The following APBA1 variants were observed in gnomAD, a reference collection of about 807,000 sequenced individuals.
APBA1 encodes the protein amyloid beta precursor protein binding family A member 1, also known as amyloid-beta A4 precursor protein-binding family A member 1.
A neutral mutation model predicts 86.6 loss-of-function variants in APBA1; 55 were observed. The ratio of observed to expected loss-of-function variants is 0.64; its 90% CI spans 0.51 to 0.80. APBA1 has a LOEUF of 0.80. Ranked by LOEUF, APBA1 falls within the 30% of genes least tolerant of loss-of-function variation. The pLI is 0.00. For synonymous variants in APBA1, 511 were observed against 493.9 expected, an observed-to-expected ratio of 1.03 and a Z score of -0.46; for missense variants, 1,090 against 1,183.0, an observed-to-expected ratio of 0.92 and a Z score of 1.15.
intron 1 of APBA1, among the ~76,000 whole-genome samples, chr9:69,552,243 T>A (rs976061261): frequency 6.6e-6 from 1 of 152,238 alleles, no homozygotes; most frequent in Non-Finnish European, 1.5e-5. Context: ...CTTCACAAGT[T>A]GGGTGATTAT....
At chr9:69,551,039 G>C (rs374551853) in intron 1 of APBA1, among the ~76,000 whole-genome samples, 2 of 152,096 alleles carry the variant, frequency 1.3e-5, no homozygotes, top group Non-Finnish European at 2.9e-5. Flanking sequence ...CCTTAGCTAT[G>C]AGAAAAAATA....
intron 1 of APBA1, among the ~76,000 whole-genome samples, chr9:69,604,718 AGGCACACGAGTGTG>A (rs1042262837): frequency 1.5e-5 from 2 of 131,342 alleles, no homozygotes; most frequent in African/African-American, 6.6e-5. Context: ...GTAAGTGGAG[AGGCACACGAGTGTG>A]GGCACACATG....
intron 1 of APBA1, among the ~76,000 whole-genome samples, chr9:69,636,979 G>GAAAGAAAGAA (rs1823191415): frequency 6.8e-6 from 1 of 148,124 alleles, no homozygotes; most frequent in Non-Finnish European, 1.5e-5. Flanking sequence ...AAGAAAGAAA[G>GAAAGAAAGAA]AAAGAAAAAT....
In APBA1 at chr9:69,495,464, C is replaced by T. The variant is rs551879770; in HGVS notation, c.1201-19321G>A. ...GAGGCTAAGTCCTGACCTCAGTACT[C>T]GTGTGAGTTGTTTCCAGTGTTGTTA... On this transcript the variant is annotated intron_variant, in intron 2 of 12. Coordinates refer to ENST00000265381, the MANE Select transcript of APBA1 (RefSeq NM_001163.4). 6.6e-5 allele frequency among the ~76,000 whole-genome samples: 10 copies of T among 152,088 alleles called. No individual in the cohort carries two copies. In the East Asian group the frequency reaches 1.2e-3, roughly 18 times the overall value.
In APBA1 at chr9:69,512,460, T is replaced by G. The variant is rs1338410371; in HGVS notation, c.1200+3551A>C. On this transcript the variant is annotated intron_variant, in intron 2 of 12. Coordinates refer to ENST00000265381, the MANE Select transcript of APBA1 (RefSeq NM_001163.4). ...TGACAAATGGCAATACAGGTTTTTT[T>G]GTCTCCTTTTATTTGCTTCATTATA... 2.0e-5 allele frequency among the ~76,000 whole-genome samples: 3 copies of G among 152,236 alleles called. No homozygotes were observed. The East Asian group carries it at 5.8e-4, about 29-fold the overall frequency.
chr9:69,431,521 C>T lies in APBA1; in HGVS notation c.2443-123G>A, dbSNP rs912444617. On this transcript the variant is annotated intron_variant, in intron 12 of 12. Coordinates refer to ENST00000265381, the MANE Select transcript of APBA1 (RefSeq NM_001163.4). ...AGAGGGCTTTGAAGATACTCCCTACCGCCCAGCCACCACCAGGGACCTGAC... is the reference window on the plus strand; with the variant it reads ...AGAGGGCTTTGAAGATACTCCCTACTGCCCAGCCACCACCAGGGACCTGAC... 2.5e-4 allele frequency: 192 copies of T among 774,946 alleles called. 1 individual carries two copies. In the African/African-American group the frequency reaches 2.7e-3, roughly 11 times the overall value. The allele number at this position is 774,946 out of a possible 1,614,324, so 48.0% of individuals were successfully genotyped here. A position where few individuals can be genotyped will look rare whatever the true frequency, so the allele number is the denominator to read the frequency against.
chr9:69,670,126 TCA>T (rs936746634), intron 1 of APBA1, among the ~76,000 whole-genome samples: 1 of 152,084 alleles, frequency 6.6e-6, no homozygotes, highest in African/African-American at 2.4e-5. Context: ...ACAACCAACC[TCA>T]CATTAAAATC....
At chr9:69,462,802 T>C (rs942345382) in intron 5 of APBA1, 8 of 152,262 alleles carry the variant, frequency 5.3e-5, no homozygotes, top group Middle Eastern at 6.8e-3. Context: ...TCCCAAACGC[T>C]GGTGCAGAGC....
At chr9:69,460,251 G>A (rs1162118932) in intron 5 of APBA1, among the ~76,000 whole-genome samples, 4 of 152,158 alleles carry the variant, frequency 2.6e-5, no homozygotes, top group African/African-American at 7.2e-5. Flanking sequence ...CTTACTGGTC[G>A]CCATGAGTTC....
intron 1 of APBA1, among the ~76,000 whole-genome samples, chr9:69,601,312 C>T (rs1415288942): frequency 6.6e-6 from 1 of 152,140 alleles, no homozygotes; most frequent in African/African-American, 2.4e-5. Context: ...TAATAGTAAA[C>T]ACTCTTTTCA....
chr9:69,448,422 G>A (rs999895120), intron 10 of APBA1, among the ~76,000 whole-genome samples: 2 of 152,212 alleles, frequency 1.3e-5, no homozygotes, highest in African/African-American at 4.8e-5. Flanking sequence ...GCAAGAGGTA[G>A]AATTTATTTA....
chr9:69,672,280 G>A lies in APBA1; in HGVS notation c.-197C>T. 5.7e-6 allele frequency: 1 copy of A among 175,626 alleles called. No homozygotes were observed. Among genetic ancestry groups the A allele is most frequent in the Non-Finnish European group, 1.2e-5 (1 of 86,268 alleles). The allele number at this position is 175,626 out of a possible 1,614,324, so 10.9% of individuals were successfully genotyped here. On this transcript the variant is annotated 5_prime_UTR_variant, in exon 1 of 13. Coordinates refer to ENST00000265381, the MANE Select transcript of APBA1 (RefSeq NM_001163.4). ...TCCAGCGCCACCATCTTCTCCCGCC[G>A]CAGCTGCCGCCGCCGCCGCCGCCGC... is the stretch of plus-strand genomic sequence containing the variant.
At position 69,585,114 on chromosome 9, in the gene APBA1, C is replaced by T. The variant is rs78508808; in HGVS notation, c.-69-67835G>A. On this transcript the variant is annotated intron_variant, in intron 1 of 12. Transcript: ENST00000265381. ...AACCCAGTAGTGAACAAAACAAAGG[C>T]CCTGCCCTTGGGGAGCTGACAATCC... is the stretch of plus-strand genomic sequence containing the variant. 8.0e-3 allele frequency among the ~76,000 whole-genome samples: 1,215 copies of T among 152,314 alleles called. 14 individuals carry two copies. The highest frequency in any genetic ancestry group is 0.028 in the African/African-American group (1,148 of 41,576).
At chr9:69,489,019 T>C (rs1203168956) in intron 2 of APBA1, among the ~76,000 whole-genome samples, 3 of 152,158 alleles carry the variant, frequency 2.0e-5, no homozygotes, top group Middle Eastern at 3.4e-3. Flanking sequence ...TGCTGATGGA[T>C]AGGAAGAATC....
chr9:69,455,804 C>G (rs541295331), intron 8 of APBA1, among the ~76,000 whole-genome samples: 1 of 152,304 alleles, frequency 6.6e-6, no homozygotes, highest in African/African-American at 2.4e-5. Flanking sequence ...TCGCTAATAG[C>G]TTGGCCTCCT....
chr9:69,432,616 T>C lies in APBA1; in HGVS notation c.2362A>G (p.Ile788Val). ...ERGGVRVGHR[I>V]IEINGQSVVA... is the part of the protein sequence containing the mutation. ...ACGCTCTGTCCATTGATTTCAATGA[T>C]CCGGTGCCCCACACGGACGCCTCCT... Residue 788 changes from isoleucine (I) to valine (V), a missense_variant, in exon 12 of 13, where the codon ATC becomes GTC. Coordinates refer to ENST00000265381, the MANE Select transcript of APBA1 (RefSeq NM_001163.4). 6.2e-7 allele frequency: 1 copy of C among 1,606,842 alleles called. No homozygotes were observed. Among genetic ancestry groups the C allele is most frequent in the Non-Finnish European group, 8.5e-7 (1 of 1,177,060 alleles).
chr9:69,583,017 T>C (rs1250449557), intron 1 of APBA1, among the ~76,000 whole-genome samples: 1 of 152,188 alleles, frequency 6.6e-6, no homozygotes, highest in Non-Finnish European at 1.5e-5. Context: ...TGAATGTGTG[T>C]TCTGAGCTAA....
chr9:69,556,397 C>T (rs1016889401), intron 1 of APBA1, among the ~76,000 whole-genome samples: 3 of 152,124 alleles, frequency 2.0e-5, no homozygotes, highest in Non-Finnish European at 4.4e-5. Flanking sequence ...CACACCTAGA[C>T]TGGAGGAAGT....
At chr9:69,551,060 A>G (rs1836777213) in intron 1 of APBA1, among the ~76,000 whole-genome samples, 1 of 152,228 alleles carries the variant, frequency 6.6e-6, no homozygotes, top group Admixed American at 6.5e-5. Context: ...GTATTGACAT[A>G]TCCTGCCTTC....
Sources: gnomAD v4.1 joint callset for allele counts (sites outside exome capture counted in the v4.1 genomes callset) on GRCh38, gnomAD v4.1.1 for gene constraint, MANE v1.5 for transcripts, NCBI Gene and HGNC (gene_info 2026-07-23, HGNC 2026-07-21) for gene names.